TAFA1: variants seen among roughly 807,000 people sequenced by gnomAD.
The protein encoded by TAFA1 is chemokine-like protein TAFA-1.
TAFA1 carries 4 observed loss-of-function variants against 18.5 expected under a neutral mutation model. That is an observed-to-expected ratio of 0.22 (90% CI 0.11 to 0.49). The LOEUF (loss-of-function observed/expected upper bound fraction) is 0.49. TAFA1 is among the 20% of genes least tolerant of loss of function. TAFA1 has a pLI of 0.98. For synonymous variants in TAFA1, 56 were observed against 55.2 expected (o/e 1.01, Z -0.06); for missense variants, 147 against 169.0 (o/e 0.87, Z 0.72).
chr3:68,424,128 T>C (rs1308770304), intron 3 of TAFA1, among the ~76,000 whole-genome samples: 1 of 152,054 alleles, frequency 6.6e-6, no homozygotes, highest in Non-Finnish European at 1.5e-5. Context: ...TCCTGCTATT[T>C]CTGTGAAGAA....
At chr3:68,072,221 A>G (rs115158885) in intron 2 of TAFA1, among the ~76,000 whole-genome samples, 2 of 152,166 alleles carry the variant, frequency 1.3e-5, no homozygotes, top group Non-Finnish European at 2.9e-5. Flanking sequence ...GAAGGACCAG[A>G]TGTGGCAATG....
chr3:68,199,302 C>T (rs551841406), intron 2 of TAFA1, among the ~76,000 whole-genome samples: 23 of 151,612 alleles, frequency 1.5e-4, no homozygotes, highest in African/African-American at 2.2e-4. Flanking sequence ...GTCAGTCTTT[C>T]GACTTTATTT....
At chr3:68,202,758 A>G (rs537432555) in intron 2 of TAFA1, among the ~76,000 whole-genome samples, 32 of 151,886 alleles carry the variant, frequency 2.1e-4, no homozygotes, top group South Asian at 6.2e-4. Flanking sequence ...AAAAATAAGT[A>G]TTAGATATCC....
chr3:68,433,641 T>C (rs1392490641), intron 3 of TAFA1, among the ~76,000 whole-genome samples: 1 of 152,130 alleles, frequency 6.6e-6, no homozygotes, highest in Non-Finnish European at 1.5e-5. Context: ...TTTGTACTTA[T>C]GTAGTGGGAC....
chr3:68,175,558 T>C (rs972962855), intron 2 of TAFA1, among the ~76,000 whole-genome samples: 1 of 152,196 alleles, frequency 6.6e-6, no homozygotes, highest in African/African-American at 2.4e-5. Flanking sequence ...TGTGCTTGCA[T>C]GGGGCCTGTA....
At chr3:68,432,152 C>G (rs560825180) in intron 3 of TAFA1, among the ~76,000 whole-genome samples, 3 of 151,938 alleles carry the variant, frequency 2.0e-5, no homozygotes, top group African/African-American at 7.2e-5. Flanking sequence ...TGCTTTCTCC[C>G]TTTTCTCCTG....
In TAFA1 at chr3:68,145,383, C is replaced by G. The variant is rs894975982; in HGVS notation, c.118+138639C>G. On this transcript the variant is annotated intron_variant, in intron 2 of 4. Transcript: ENST00000478136. ...GCCCTGGTCTCTCAAGCATATACTT[C>G]AATCATCACTGATGATTTTGCAGCC... 4.8e-6 allele frequency: 4 copies of G among 831,076 alleles called. No individual in the cohort carries two copies. In the African/African-American group the frequency reaches 5.0e-5, roughly 10 times the overall value. 51.5% of individuals were successfully genotyped at this position (831,076 alleles called of 1,614,324 possible).
intron 2 of TAFA1, among the ~76,000 whole-genome samples, chr3:68,273,288 G>A (rs934692474): frequency 6.6e-6 from 1 of 152,122 alleles, no homozygotes; most frequent in African/African-American, 2.4e-5. Context: ...GACCAGCATG[G>A]CTAAACTTTA....
chr3:68,324,604 T>G (rs1412536904), intron 2 of TAFA1, among the ~76,000 whole-genome samples: 1 of 152,146 alleles, frequency 6.6e-6, no homozygotes, highest in African/African-American at 2.4e-5. Context: ...CTCACAAGTA[T>G]TTGGTTGGTG....
At chr3:68,536,491 A>G (rs1345009636) in intron 3 of TAFA1, among the ~76,000 whole-genome samples, 4 of 152,142 alleles carry the variant, frequency 2.6e-5, no homozygotes, top group African/African-American at 7.2e-5. Flanking sequence ...GTCCCGTGTA[A>G]AAACAGCCAA....
intron 2 of TAFA1, among the ~76,000 whole-genome samples, chr3:68,025,613 CTCT>C (rs1704797717): frequency 6.6e-6 from 1 of 152,258 alleles, no homozygotes; most frequent in South Asian, 2.1e-4. Context: ...TCCTACTTCA[CTCT>C]TCTTTGCTCA....
In TAFA1 at chr3:68,163,841, C is replaced by A. The variant is rs775547156; in HGVS notation, c.118+157097C>A. Among the ~76,000 whole-genome samples the A allele has an allele frequency of 2.6e-5, 4 of 152,122 alleles. No individual in the cohort carries two copies. The East Asian group carries it at 7.7e-4, about 29-fold the overall frequency. On this transcript the variant is annotated intron_variant, in intron 2 of 4. Coordinates refer to ENST00000478136, the MANE Select transcript of TAFA1 (RefSeq NM_213609.4). ...GATGGGAAGGAGCATGTAAGTAGAC[C>A]GTGTAACCAGTCAAACTCTGCCAGG...
At chr3:68,406,047 C>T (rs945952689) in intron 2 of TAFA1, among the ~76,000 whole-genome samples, 2 of 152,092 alleles carry the variant, frequency 1.3e-5, no homozygotes, top group African/African-American at 4.8e-5. Flanking sequence ...TAAATTTAGG[C>T]ATTTTGCTTA....
At chr3:68,161,093 T>C (rs1465237781) in intron 2 of TAFA1, among the ~76,000 whole-genome samples, 4 of 152,208 alleles carry the variant, frequency 2.6e-5, no homozygotes, top group African/African-American at 9.6e-5. Flanking sequence ...ATATATGTAA[T>C]GTTATGATAA....
At chr3:68,187,222 CATT>C in intron 2 of TAFA1, among the ~76,000 whole-genome samples, 1 of 151,946 alleles carries the variant, frequency 6.6e-6, no homozygotes, top group East Asian at 1.9e-4. Context: ...AGCAGCCTCT[CATT>C]ATCTTTTTGT....
intron 2 of TAFA1, among the ~76,000 whole-genome samples, chr3:68,115,411 C>T (rs2065313255): frequency 6.6e-6 from 1 of 152,116 alleles, no homozygotes. Flanking sequence ...ATGGGTTGGC[C>T]AGATAAGCGT....
At chr3:68,408,841 A>G (rs2070660266) in intron 2 of TAFA1, among the ~76,000 whole-genome samples, 1 of 152,194 alleles carries the variant, frequency 6.6e-6, no homozygotes, top group African/African-American at 2.4e-5. Flanking sequence ...AAGAGAACAT[A>G]TAATGGGGGT....
intron 2 of TAFA1, among the ~76,000 whole-genome samples, chr3:68,074,042 G>T (rs1213492646): frequency 6.6e-6 from 1 of 152,146 alleles, no homozygotes; most frequent in African/African-American, 2.4e-5. Context: ...GGAGGCCTGA[G>T]CTTGCTTTCC....
At chr3:68,336,513 C>G (rs970960456) in intron 2 of TAFA1, among the ~76,000 whole-genome samples, 2 of 152,216 alleles carry the variant, frequency 1.3e-5, no homozygotes, top group Non-Finnish European at 2.9e-5. Context: ...GAAAACACAT[C>G]TTTGGCCAAG....
Sources: allele counts gnomAD v4.1 joint callset (sites outside exome capture counted in the v4.1 genomes callset), GRCh38; gene constraint gnomAD v4.1.1; transcripts MANE v1.5; gene names NCBI Gene and HGNC (gene_info 2026-07-23, HGNC 2026-07-21).